Variants in MMP16 observed in about 807,000 individuals in gnomAD.
The protein encoded by MMP16 is matrix metalloproteinase-16.
In MMP16, 12 loss-of-function variants were observed where a neutral mutation model predicts 67.8. The observed-to-expected ratio is 0.18, with a 90% confidence interval of 0.11 to 0.29. The LOEUF (loss-of-function observed/expected upper bound fraction) is 0.29, where lower values mean the gene tolerates loss of function less well. Among genes scored for constraint, MMP16 ranks in the 10% least tolerant of loss-of-function variants. The pLI is 1.00. For synonymous variants in MMP16, 249 were observed against 255.9 expected (o/e 0.97, Z 0.26); for missense variants, 475 against 765.7 (o/e 0.62, Z 4.48).
At chr8:88,100,151 G>A (rs532474727) in intron 6 of MMP16, among the ~76,000 whole-genome samples, 1 of 152,026 alleles carries the variant, frequency 6.6e-6, no homozygotes, top group Non-Finnish European at 1.5e-5. Flanking sequence ...TTTTAGACAT[G>A]AAGTCCTTAG....
At chr8:88,150,421 A>G (rs11088322) in intron 4 of MMP16, among the ~76,000 whole-genome samples, 1 of 105,506 alleles carries the variant, frequency 9.5e-6, no homozygotes, top group African/African-American at 4.0e-5. Context: ...CAGATTCACC[A>G]AAGTTGAAAT....
At position 88,184,746 on chromosome 8, in the gene MMP16, C is replaced by CAAAA. The variant is rs61606557; in HGVS notation, c.404+1726_404+1729dup. ...TGAGCGACAGAGTGAGGCCCTGTCT[C>CAAAA]AAAAAAAAAAAAAAAAAAAAAAAAA... On this transcript the variant is annotated intron_variant, in intron 3 of 9. Transcript: ENST00000286614. Among the ~76,000 whole-genome samples the CAAAA allele has an allele frequency of 6.7e-3, 316 of 47,456 alleles. 18 individuals are homozygous for CAAAA. Among genetic ancestry groups the CAAAA allele is most frequent in the Non-Finnish European group, 8.1e-3 (231 of 28,584 alleles). The allele number at this position is 47,456 out of a possible 152,430, so 31.1% of individuals were successfully genotyped here.
At chr8:88,052,773 CA>C (rs1254813820) in intron 8 of MMP16, among the ~76,000 whole-genome samples, 1 of 152,188 alleles carries the variant, frequency 6.6e-6, no homozygotes, top group Non-Finnish European at 1.5e-5. Context: ...CATCCACCTG[CA>C]ACACATTGTC....
chr8:88,266,279 T>C (rs1273511662), intron 1 of MMP16, among the ~76,000 whole-genome samples: 1 of 152,204 alleles, frequency 6.6e-6, no homozygotes, highest in Admixed American at 6.5e-5. Flanking sequence ...TGTAACTATG[T>C]TTATATCCAT....
At chr8:88,095,742 C>A (rs1224934477) in intron 6 of MMP16, among the ~76,000 whole-genome samples, 1 of 151,902 alleles carries the variant, frequency 6.6e-6, no homozygotes, top group Non-Finnish European at 1.5e-5. Flanking sequence ...GTGTCCCTGA[C>A]AGTACCTTCC....
chr8:88,104,955 A>AT (rs1301732509), intron 6 of MMP16, among the ~76,000 whole-genome samples: 2 of 151,572 alleles, frequency 1.3e-5, no homozygotes, highest in Non-Finnish European at 3.0e-5. Flanking sequence ...TTAATTCATT[A>AT]TTTTAAAAAT....
chr8:88,225,840 A>G (rs1442419668), intron 1 of MMP16, among the ~76,000 whole-genome samples: 7 of 151,918 alleles, frequency 4.6e-5, no homozygotes, highest in Admixed American at 2.6e-4. Context: ...TGTTTTGTCT[A>G]TTTTGTATGG....
intron 1 of MMP16, among the ~76,000 whole-genome samples, chr8:88,266,336 T>C (rs1382277681): frequency 1.7e-5 from 1 of 58,246 alleles, no homozygotes; most frequent in Non-Finnish European, 4.4e-5. Flanking sequence ...TTAGTGAGTA[T>C]GCTATTTTTT....
intron 1 of MMP16, among the ~76,000 whole-genome samples, chr8:88,227,021 TAAAC>T (rs1241479021): frequency 2.0e-5 from 3 of 151,948 alleles, no homozygotes; most frequent in African/African-American, 4.8e-5. Context: ...CACTTACAAA[TAAAC>T]AAAAGTGATC....
At chr8:88,099,912 G>C (rs1337342186) in intron 6 of MMP16, among the ~76,000 whole-genome samples, 2 of 151,842 alleles carry the variant, frequency 1.3e-5, no homozygotes, top group African/African-American at 4.8e-5. Flanking sequence ...TGCCACACTG[G>C]ACTGTAAGCT....
intron 9 of MMP16, among the ~76,000 whole-genome samples, chr8:88,044,900 T>C (rs2118194629): frequency 6.6e-6 from 1 of 152,194 alleles, no homozygotes; most frequent in East Asian, 1.9e-4. Context: ...CTGTATAGCT[T>C]CTTAAGTTTT....
At chr8:88,134,712 T>G (rs984628240) in intron 4 of MMP16, among the ~76,000 whole-genome samples, 5 of 151,724 alleles carry the variant, frequency 3.3e-5, no homozygotes, top group African/African-American at 1.2e-4. Context: ...GCAGCTTATT[T>G]AATACAAATG....
intron 6 of MMP16, among the ~76,000 whole-genome samples, chr8:88,077,762 T>C (rs1236767650): frequency 6.6e-6 from 1 of 152,186 alleles, no homozygotes; most frequent in African/African-American, 2.4e-5. Flanking sequence ...CTGTTGTAGT[T>C]AAGATGTTTT....
chr8:88,273,051 T>C (rs938710392), intron 1 of MMP16, among the ~76,000 whole-genome samples: 3 of 150,920 alleles, frequency 2.0e-5, no homozygotes, highest in Non-Finnish European at 3.0e-5. Flanking sequence ...AAAAAAGGTA[T>C]CCTTCTTGCT....
chr8:88,320,946 T>C (rs1811450676), intron 1 of MMP16, among the ~76,000 whole-genome samples: 1 of 152,086 alleles, frequency 6.6e-6, no homozygotes, highest in Admixed American at 6.6e-5. Context: ...TTCAGAGTGC[T>C]AAATGACAGG....
At chr8:88,095,963 A>G (rs1346435078) in intron 6 of MMP16, among the ~76,000 whole-genome samples, 1 of 151,978 alleles carries the variant, frequency 6.6e-6, no homozygotes, top group Non-Finnish European at 1.5e-5. Flanking sequence ...ATATTTTACT[A>G]TTTATACCTC....
At chr8:88,326,259 C>T (rs999330883) in intron 1 of MMP16, among the ~76,000 whole-genome samples, 1 of 152,180 alleles carries the variant, frequency 6.6e-6, no homozygotes, top group African/African-American at 2.4e-5. Flanking sequence ...GACTTGATGA[C>T]AGGAAGAGTA....
chr8:88,076,654 G>T (rs1031948232), intron 6 of MMP16, among the ~76,000 whole-genome samples: 1 of 151,940 alleles, frequency 6.6e-6, no homozygotes, highest in Admixed American at 6.6e-5. Flanking sequence ...AAAATATGTC[G>T]GTGATATTCT....
chr8:88,295,972 A>G (rs78861921), intron 1 of MMP16, among the ~76,000 whole-genome samples: 2,772 of 152,326 alleles, frequency 0.018, 84 homozygotes, highest in African/African-American at 0.063. Flanking sequence ...AAGCTTAGAT[A>G]TAATACTTTG....
Sources: gnomAD v4.1 joint callset for allele counts (sites outside exome capture counted in the v4.1 genomes callset) on GRCh38, gnomAD v4.1.1 for gene constraint, MANE v1.5 for transcripts, NCBI Gene and HGNC (gene_info 2026-07-23, HGNC 2026-07-21) for gene names.